Variants in PCDHGA4 observed in about 807,000 individuals in gnomAD.
PCDHGA4 encodes the protein protocadherin gamma subfamily A, 4, also known as protocadherin gamma-A4.
A neutral mutation model predicts 54.6 loss-of-function variants in PCDHGA4; 38 were observed. That is an observed-to-expected ratio of 0.70 (90% confidence interval 0.54 to 0.91). The LOEUF (loss-of-function observed/expected upper bound fraction) is 0.91, where lower values mean the gene tolerates loss of function less well. PCDHGA4 is among the 40% of genes least tolerant of loss of function. PCDHGA4 has a pLI of 0.00. For missense variants in PCDHGA4, 1,298 were observed against 1,220.9 expected, an observed-to-expected ratio of 1.06 and a Z score of -0.94; for synonymous variants, 511 against 512.9, an observed-to-expected ratio of 1.00 and a Z score of 0.05.
intron 1 of PCDHGA4, chr5:141,399,761 G>C: frequency 1.2e-6 from 2 of 1,613,356 alleles, no homozygotes; most frequent in Non-Finnish European, 1.7e-6. Flanking sequence ...GTGAGCCTGC[G>C]CGTGTTGGTG....
Position 141,432,323 on chromosome 5 carries a change from T to C in PCDHGA4, c.2515-62484T>C, listed in dbSNP as rs1198710959. The C allele has an allele frequency of 3.4e-5, 55 of 1,614,214 alleles. No individual in the cohort carries two copies. Among genetic ancestry groups the C allele is most frequent in the Non-Finnish European group, 4.7e-5 (55 of 1,180,028 alleles). On this transcript the variant is annotated intron_variant, in intron 1 of 3. Transcript: ENST00000571252. This position sits in a 1 kb window ranked among gnomAD's most constrained non-coding sequence, Gnocchi z 6.0. ...ACTGTATGCGCTGAGCTCCTTCGAC[T>C]ACGAGCAGTTCCGAGACTTGCAAGT...
At chr5:141,447,011 C>T (rs1213312322) in intron 1 of PCDHGA4, among the ~76,000 whole-genome samples, 1 of 143,918 alleles carries the variant, frequency 6.9e-6, no homozygotes. Flanking sequence ...TCCTAGTGTT[C>T]AGTTTTGTTT....
intron 1 of PCDHGA4, among the ~76,000 whole-genome samples, chr5:141,484,740 GA>G (rs1047805396): frequency 6.6e-6 from 1 of 150,760 alleles, no homozygotes; most frequent in Non-Finnish European, 1.5e-5. Context: ...GGTGTGTTAG[GA>G]AAAAAAATGT....
intron 1 of PCDHGA4, chr5:141,385,172 C>A (rs1013319688): frequency 1.2e-6 from 2 of 1,614,210 alleles, no homozygotes; most frequent in Non-Finnish European, 8.5e-7. Context: ...CATGAGGTCT[C>A]CCTCACCGCG....
chr5:141,375,100 T>A lies in PCDHGA4; in HGVS notation c.2514+17479T>A, dbSNP rs921904476. 5 of 1,613,834 alleles carry A rather than the reference T, an allele frequency of 3.1e-6. No individual in the cohort carries two copies. The African/African-American group carries it at 6.7e-5, about 22-fold the overall frequency. On this transcript the variant is annotated intron_variant, in intron 1 of 3. Transcript: ENST00000571252. The stretch of plus-strand genomic sequence containing the variant: ...CGAAAGTCTTAATAACTATCTTGGA[T>A]GTCAATGATAATGTACCAGAAGTGG...
chr5:141,393,642 G>C, intron 1 of PCDHGA4: 1 of 1,613,940 alleles, frequency 6.2e-7, no homozygotes, highest in Non-Finnish European at 8.5e-7. Context: ...CAACGGAAAA[G>C]TGGCATACAA....
intron 1 of PCDHGA4, chr5:141,395,091 A>ACCG (rs771313907): frequency 6.2e-7 from 1 of 1,614,118 alleles, no homozygotes; most frequent in South Asian, 1.1e-5. Context: ...AGTCTCCCTC[A>ACCG]CCGCCGACTC....
chr5:141,421,058 A>G, intron 1 of PCDHGA4: 2 of 577,316 alleles, frequency 3.5e-6, no homozygotes, highest in Non-Finnish European at 3.0e-6. Context: ...TCTACCACAC[A>G]AAGCGGAATG....
chr5:141,419,175 C>A lies in PCDHGA4; in HGVS notation c.2514+61554C>A, dbSNP rs185228661. On this transcript the variant is annotated intron_variant, in intron 1 of 3. Transcript: ENST00000571252. Reference sequence around the variant, plus strand: ...CCGTTATCCTCCAGCAAAACCATAACCCTGCACATTACTGACGTCAATGAC... The same window carrying A: ...CCGTTATCCTCCAGCAAAACCATAAACCTGCACATTACTGACGTCAATGAC... The A allele has an allele frequency of 5.2e-4, 837 of 1,613,966 alleles. 3 individuals carry two copies. Among genetic ancestry groups the A allele is most frequent in the Non-Finnish European group, 9.3e-5 (110 of 1,179,894 alleles).
rs369886570 is a variant in PCDHGA4 at position 141,487,839 on chromosome 5, G to A, written c.2515-6968G>A. ...GGGGGCGGGTCATGCCTATATCTGAGTAAGAAATGAAAGTAATTGGTGATC... is the reference window on the plus strand; with the variant it reads ...GGGGGCGGGTCATGCCTATATCTGAATAAGAAATGAAAGTAATTGGTGATC... On this transcript the variant is annotated intron_variant, in intron 1 of 3. Transcript: ENST00000571252. The surrounding 1 kb of genome is among the most constrained non-coding windows in gnomAD (Gnocchi z 5.0). The A allele has an allele frequency of 2.7e-6, 3 of 1,103,412 alleles. No homozygotes were observed. Among genetic ancestry groups the A allele is most frequent in the African/African-American group, 1.6e-5 (1 of 63,054 alleles). The allele number at this position is 1,103,412 out of a possible 1,614,324, so 68.4% of individuals were successfully genotyped here.
At chr5:141,501,869 C>G (rs1595765055) in intron 2 of PCDHGA4, among the ~76,000 whole-genome samples, 1 of 152,130 alleles carries the variant, frequency 6.6e-6, no homozygotes, top group Non-Finnish European at 1.5e-5. Context: ...CCCAGGACGC[C>G]TCCTTACACT....
chr5:141,423,503 C>T (rs1225012888), intron 1 of PCDHGA4: 2 of 1,613,984 alleles, frequency 1.2e-6, no homozygotes, highest in South Asian at 2.2e-5. Context: ...CACGAGGTCT[C>T]TCTCATTGCG....
At chr5:141,395,516 G>A (rs1402459220) in intron 1 of PCDHGA4, 1 of 407,820 alleles carries the variant, frequency 2.5e-6, no homozygotes, top group Non-Finnish European at 4.4e-6. Context: ...GTAGCTACCC[G>A]TCCATACTGG....
intron 1 of PCDHGA4, chr5:141,395,508 A>T: frequency 2.2e-6 from 1 of 461,184 alleles, no homozygotes. Context: ...CTTAAGAAGT[A>T]GCTACCCGTC....
rs201378410 is a variant in PCDHGA4, at chr5:141,414,802, G to T, written c.2514+57181G>T. Reference sequence around the variant, plus strand: ...GCAGGTGACAGCCAGCGACAGCGGGGATCCTCCACTCAGCAGCAACGTGTC... The same window carrying T: ...GCAGGTGACAGCCAGCGACAGCGGGTATCCTCCACTCAGCAGCAACGTGTC... On this transcript the variant is annotated intron_variant, in intron 1 of 3. Coordinates refer to ENST00000571252, the MANE Select transcript of PCDHGA4 (RefSeq NM_018917.4). The T allele has an allele frequency of 4.3e-6, 7 of 1,614,226 alleles. No homozygotes were observed. The African/African-American group carries it at 8.0e-5, about 18-fold the overall frequency.
intron 1 of PCDHGA4, chr5:141,407,995 C>A: frequency 1.2e-6 from 1 of 869,524 alleles, no homozygotes. Flanking sequence ...AGCCTCTGGC[C>A]TGGGATTCCC....
chr5:141,375,404 AAT>A, intron 1 of PCDHGA4: 2 of 1,613,912 alleles, frequency 1.2e-6, no homozygotes, highest in Non-Finnish European at 1.7e-6. Context: ...CATCTCTCTA[AAT>A]GTGGCAGACA....
chr5:141,465,697 T>C (rs1386528821), intron 1 of PCDHGA4, among the ~76,000 whole-genome samples: 2 of 152,200 alleles, frequency 1.3e-5, no homozygotes, highest in African/African-American at 4.8e-5. Context: ...TGCTTTTGCA[T>C]TGGTCAAATG....
intron 3 of PCDHGA4, among the ~76,000 whole-genome samples, chr5:141,508,855 C>T (rs2099872444): frequency 6.6e-6 from 1 of 152,020 alleles, no homozygotes; most frequent in Non-Finnish European, 1.5e-5. Flanking sequence ...CATTCCCAGG[C>T]TGGGAAAGGC....
Sources: gnomAD v4.1 joint callset for allele counts (sites outside exome capture counted in the v4.1 genomes callset) on GRCh38, gnomAD v4.1.1 for gene constraint, Gnocchi (gnomAD v3.1) non-coding constraint, MANE v1.5 for transcripts, NCBI Gene and HGNC (gene_info 2026-07-23, HGNC 2026-07-21) for gene names.